Variants in PIK3CB observed in about 807,000 individuals in gnomAD.
PIK3CB encodes phosphatidylinositol-4,5-bisphosphate 3-kinase catalytic subunit beta, also known as phosphatidylinositol 4,5-bisphosphate 3-kinase catalytic subunit beta isoform.
A neutral mutation model predicts 136.8 loss-of-function variants in PIK3CB; 39 were observed. That is an observed-to-expected ratio of 0.29 (90% CI 0.22 to 0.37). The LOEUF (loss-of-function observed/expected upper bound fraction) is 0.37, where lower values mean the gene tolerates loss of function less well. PIK3CB is among the 10% of genes least tolerant of loss of function. The pLI is 1.00. For synonymous variants in PIK3CB, 428 were observed against 436.6 expected, an observed-to-expected ratio of 0.98 and a Z score of 0.25; for missense variants, 868 against 1,275.4, an observed-to-expected ratio of 0.68 and a Z score of 4.87.
intron 1 of PIK3CB, among the ~76,000 whole-genome samples, chr3:138,806,659 T>C (rs2046237611): frequency 6.6e-6 from 1 of 152,100 alleles, no homozygotes. Context: ...CTAGAAAAAT[T>C]AGACTTGAAA....
rs1210380153 is a variant in PIK3CB at position 138,654,082 on chromosome 3, A to C, written c.*1307T>G. ...GACTGAGAACATTAAGAAGGACAAC[A>C]AAATTAAACATTCTTTAATAAAATT... is the stretch of plus-strand genomic sequence containing the variant. On this transcript the variant is annotated 3_prime_UTR_variant, in exon 24 of 24. Coordinates refer to ENST00000674063, the MANE Select transcript of PIK3CB (RefSeq NM_006219.3). 5.1e-6 allele frequency: 1 copy of C among 195,506 alleles called. No homozygotes were observed. The highest frequency in any genetic ancestry group is 1.1e-5 in the Non-Finnish European group (1 of 94,230). The allele number at this position is 195,506 out of a possible 1,614,324, so 12.1% of individuals were successfully genotyped here.
chr3:138,666,523 T>C (rs2043413614), intron 19 of PIK3CB, among the ~76,000 whole-genome samples: 2 of 152,206 alleles, frequency 1.3e-5, no homozygotes, highest in Non-Finnish European at 2.9e-5. Flanking sequence ...TTACATTCTT[T>C]GCCTATTTAT....
At chr3:138,813,475 A>G (rs1271000282) in intron 1 of PIK3CB, among the ~76,000 whole-genome samples, 1 of 140,802 alleles carries the variant, frequency 7.1e-6, no homozygotes, top group Non-Finnish European at 1.5e-5. Context: ...TCTGTCGCCC[A>G]GGCTGAAGTG....
At chr3:138,785,490 T>C (rs949073959) in intron 2 of PIK3CB, among the ~76,000 whole-genome samples, 12 of 152,220 alleles carry the variant, frequency 7.9e-5, no homozygotes, top group Admixed American at 2.0e-4. Context: ...TCTTCTGCCT[T>C]GGGATGCTGT....
intron 13 of PIK3CB, among the ~76,000 whole-genome samples, chr3:138,698,142 A>C (rs1321019422): frequency 2.0e-5 from 3 of 152,234 alleles, no homozygotes; most frequent in Admixed American, 6.5e-5. Context: ...TAATTAAGAT[A>C]AATCTGTATT....
At chr3:138,709,100 T>C (rs2044441049) in intron 10 of PIK3CB, among the ~76,000 whole-genome samples, 1 of 152,016 alleles carries the variant, frequency 6.6e-6, no homozygotes, top group African/African-American at 2.4e-5. Context: ...AAGGCATTCA[T>C]ATATACTACA....
chr3:138,764,234 A>C (rs1190739840), intron 2 of PIK3CB, among the ~76,000 whole-genome samples: 1 of 151,640 alleles, frequency 6.6e-6, no homozygotes, highest in African/African-American at 2.4e-5. Context: ...GGACTGCTTG[A>C]GCCCAGGAGC....
Position 138,714,522 on chromosome 3 carries a change from T to G in PIK3CB, c.1248A>C (p.Ser416=). 1 of 1,612,556 alleles carries G rather than the reference T, an allele frequency of 6.2e-7. No homozygotes were observed. The highest frequency in any genetic ancestry group is 1.7e-4 in the Middle Eastern group (1 of 6,058). Residue 416 remains serine, a synonymous_variant, in exon 9 of 24, where the codon TCA becomes TCC. Coordinates refer to ENST00000674063, the MANE Select transcript of PIK3CB (RefSeq NM_006219.3). ...ATTTAGAGGGATTAATAGTTTTCGT[T>G]GATTTCTTCGTTTTTACTTTATCCA... ...AVLDKVKTKK[S]TKTINPSKYQ... is the part of the protein sequence containing the mutation.
At chr3:138,656,686 C>G (rs1434987262) in intron 22 of PIK3CB, among the ~76,000 whole-genome samples, 1 of 152,066 alleles carries the variant, frequency 6.6e-6, no homozygotes, top group Non-Finnish European at 1.5e-5. Context: ...TTAAAAGTCC[C>G]CTCAATCAGT....
At chr3:138,669,578 G>T (rs2043491222) in intron 19 of PIK3CB, among the ~76,000 whole-genome samples, 1 of 152,074 alleles carries the variant, frequency 6.6e-6, no homozygotes, top group Non-Finnish European at 1.5e-5. Context: ...GGCCAGATAG[G>T]TTTATATGTA....
chr3:138,697,200 CA>C (rs1349718243), intron 13 of PIK3CB, among the ~76,000 whole-genome samples: 1 of 152,054 alleles, frequency 6.6e-6, no homozygotes, highest in African/African-American at 2.4e-5. Flanking sequence ...AAGAAACAGG[CA>C]AATGTGTCAA....
intron 2 of PIK3CB, among the ~76,000 whole-genome samples, chr3:138,775,389 C>CA (rs2045846131): frequency 6.6e-6 from 1 of 152,152 alleles, no homozygotes; most frequent in Non-Finnish European, 1.5e-5. Flanking sequence ...CAAAACGAAG[C>CA]AATTTGCAAT....
At chr3:138,799,663 T>C (rs1458233050) in intron 1 of PIK3CB, among the ~76,000 whole-genome samples, 1 of 151,988 alleles carries the variant, frequency 6.6e-6, no homozygotes, top group Non-Finnish European at 1.5e-5. Flanking sequence ...CCTCATCTTT[T>C]TTCTTTTCTT....
intron 19 of PIK3CB, among the ~76,000 whole-genome samples, chr3:138,680,302 G>A (rs2043744083): frequency 6.6e-6 from 1 of 151,688 alleles, no homozygotes; most frequent in Non-Finnish European, 1.5e-5. Flanking sequence ...AGGCTGCAGT[G>A]AGCCGAGATC....
intron 2 of PIK3CB, among the ~76,000 whole-genome samples, chr3:138,782,979 T>C (rs546401747): frequency 6.6e-6 from 1 of 152,328 alleles, no homozygotes; most frequent in East Asian, 1.9e-4. Flanking sequence ...GTCAGTCCAA[T>C]ATCACTGTTT....
intron 2 of PIK3CB, among the ~76,000 whole-genome samples, chr3:138,780,318 T>A (rs2045909794): frequency 6.6e-6 from 1 of 152,148 alleles, no homozygotes; most frequent in South Asian, 2.1e-4. Flanking sequence ...GTTGCCAGGC[T>A]GGAGTGCAGT....
chr3:138,748,448 T>G (rs1208031957), intron 4 of PIK3CB, among the ~76,000 whole-genome samples: 1 of 152,186 alleles, frequency 6.6e-6, no homozygotes, highest in Non-Finnish European at 1.5e-5. Flanking sequence ...TCTTTTACTA[T>G]AGCAACCTCT....
At chr3:138,733,757 A>G (rs1361754881) in intron 7 of PIK3CB, among the ~76,000 whole-genome samples, 1 of 152,200 alleles carries the variant, frequency 6.6e-6, no homozygotes, top group African/African-American at 2.4e-5. Flanking sequence ...GGGCGCCTGT[A>G]GTCCCAGTTA....
intron 19 of PIK3CB, among the ~76,000 whole-genome samples, chr3:138,672,910 G>GAAA (rs748631273): frequency 1.6e-5 from 1 of 61,344 alleles, no homozygotes; most frequent in African/African-American, 6.0e-5. Flanking sequence ...AGACTCCGTT[G>GAAA]AAAAAAAAAA....
Sources: allele counts gnomAD v4.1 joint callset (sites outside exome capture counted in the v4.1 genomes callset), GRCh38; gene constraint gnomAD v4.1.1; transcripts MANE v1.5; gene names NCBI Gene and HGNC (gene_info 2026-07-23, HGNC 2026-07-21).